The following RBFOX1 variants were observed in gnomAD, a reference collection of about 807,000 sequenced individuals.
RBFOX1 encodes the protein RNA binding fox-1 homolog 1, also known as RNA binding protein fox-1 homolog 1.
In RBFOX1, 8 loss-of-function variants were observed where a neutral mutation model predicts 57.7. The observed-to-expected ratio is 0.14, with a 90% CI of 0.08 to 0.25. The LOEUF is 0.25. Among genes scored for constraint, RBFOX1 ranks in the 10% least tolerant of loss-of-function variants. RBFOX1 has a pLI of 1.00. For missense variants in RBFOX1, 611 were observed against 548.5 expected, an observed-to-expected ratio of 1.11 and a Z score of -1.14; for synonymous variants, 326 against 222.4, an observed-to-expected ratio of 1.47 and a Z score of -4.15.
chr16:7,262,319 T>C lies in RBFOX1; in HGVS notation c.27+210221T>C, dbSNP rs1219060404. On this transcript the variant is annotated intron_variant, in intron 4 of 15. Transcript: ENST00000550418. ...CCTGATTGCCCATTTCTCTATTTTT[T>C]TTTTCATATTAATGGGAAAACCAAT... Among the ~76,000 whole-genome samples the C allele has an allele frequency of 3.3e-5, 5 of 151,954 alleles. 1 individual carries two copies. Among genetic ancestry groups the C allele is most frequent in the Admixed American group, 2.0e-4 (3 of 15,248 alleles).
intron 4 of RBFOX1, among the ~76,000 whole-genome samples, chr16:7,444,472 G>T (rs1598554661): frequency 6.6e-6 from 1 of 152,154 alleles, no homozygotes; most frequent in Non-Finnish European, 1.5e-5. Context: ...GAAAGCAAAG[G>T]CAGCTTTATA....
At chr16:6,643,454 G>C (rs1422273508) in intron 2 of RBFOX1, among the ~76,000 whole-genome samples, 1 of 152,000 alleles carries the variant, frequency 6.6e-6, no homozygotes, top group African/African-American at 2.4e-5. Context: ...TTTTGCGGTT[G>C]GAGGATTAAG....
At chr16:6,599,734 C>T (rs9929156) in intron 2 of RBFOX1, among the ~76,000 whole-genome samples, 25,357 of 152,190 alleles carry the variant, frequency 0.17, 2,426 homozygotes, top group East Asian at 0.4. Context: ...TCCCAGTGCT[C>T]ACCACCTAGT....
chr16:5,349,386 C>G (rs2065211944), intron 1 of RBFOX1, among the ~76,000 whole-genome samples: 1 of 152,162 alleles, frequency 6.6e-6, no homozygotes, highest in Non-Finnish European at 1.5e-5. Context: ...AAAAACTTGT[C>G]AAGATGGCTG....
At chr16:6,757,997 C>T (rs550407732) in intron 3 of RBFOX1, among the ~76,000 whole-genome samples, 1 of 152,234 alleles carries the variant, frequency 6.6e-6, no homozygotes, top group South Asian at 2.1e-4. Context: ...ATGCGGCAGA[C>T]CCTGTCCTCT....
chr16:6,932,527 C>A (rs1263283369), intron 3 of RBFOX1, among the ~76,000 whole-genome samples: 1 of 152,134 alleles, frequency 6.6e-6, no homozygotes, highest in Non-Finnish European at 1.5e-5. Context: ...GGAGGATCTG[C>A]TTCCAAGTGT....
chr16:6,922,673 T>G (rs2153456914), intron 3 of RBFOX1, among the ~76,000 whole-genome samples: 1 of 152,314 alleles, frequency 6.6e-6, no homozygotes, highest in Non-Finnish European at 1.5e-5. Flanking sequence ...TGGAGTAAAC[T>G]TAGGCCATGT....
At chr16:7,208,876 C>A (rs1472937790) in intron 4 of RBFOX1, among the ~76,000 whole-genome samples, 1 of 152,086 alleles carries the variant, frequency 6.6e-6, no homozygotes, top group South Asian at 2.1e-4. Context: ...CCCACCAGTT[C>A]TCCTAAGGAC....
chr16:6,071,965 C>T (rs2095843176), intron 1 of RBFOX1, among the ~76,000 whole-genome samples: 1 of 152,164 alleles, frequency 6.6e-6, no homozygotes, highest in African/African-American at 2.4e-5. Flanking sequence ...ACGACATTTT[C>T]TTCATTCATT....
intron 2 of RBFOX1, among the ~76,000 whole-genome samples, chr16:5,539,786 T>A (rs1310177042): frequency 1.3e-5 from 2 of 152,230 alleles, no homozygotes; most frequent in Non-Finnish European, 2.9e-5. Flanking sequence ...CTTAGATGCC[T>A]ATTTTTTTAA....
chr16:6,701,135 A>ATG (rs111800744), intron 3 of RBFOX1, among the ~76,000 whole-genome samples: 54,388 of 149,114 alleles, frequency 0.36, 10,011 homozygotes, highest in East Asian at 0.59. Flanking sequence ...CTGTGTGTGT[A>ATG]TGTGTGTGTG....
chr16:7,609,198 C>T (rs1267808924), intron 10 of RBFOX1, among the ~76,000 whole-genome samples: 1 of 152,120 alleles, frequency 6.6e-6, no homozygotes, highest in Non-Finnish European at 1.5e-5. Flanking sequence ...ATATTTTCAG[C>T]CTAAAATAGT....
chr16:7,429,346 C>T (rs1056981992), intron 4 of RBFOX1, among the ~76,000 whole-genome samples: 1 of 152,202 alleles, frequency 6.6e-6, no homozygotes, highest in Admixed American at 6.5e-5. Context: ...TTCCCTCACC[C>T]CCTTTTCATT....
chr16:7,712,048 C>G lies in RBFOX1; in HGVS notation c.*1303C>G, dbSNP rs879509845. ...ATGCAAAAAAAGAAAAAAGTACATC[C>G]ACCCTCTTAATCCCAAAAGAACAAA... is the stretch of plus-strand genomic sequence containing the variant. On this transcript the variant is annotated 3_prime_UTR_variant, in exon 16 of 16. Coordinates refer to ENST00000550418, the MANE Select transcript of RBFOX1 (RefSeq NM_018723.4). 1.3e-5 allele frequency: 2 copies of G among 152,536 alleles called. No individual in the cohort carries two copies. The highest frequency in any genetic ancestry group is 2.9e-5 in the Non-Finnish European group (2 of 68,034). The allele number at this position is 152,536 out of a possible 1,614,324, so 9.4% of individuals were successfully genotyped here. A position where few individuals can be genotyped will look rare whatever the true frequency, so the allele number is the denominator to read the frequency against.
chr16:6,954,918 A>C (rs899438564), intron 3 of RBFOX1, among the ~76,000 whole-genome samples: 1 of 152,088 alleles, frequency 6.6e-6, no homozygotes, highest in Non-Finnish European at 1.5e-5. Context: ...TAAACTTATT[A>C]GGCTATTTTA....
At chr16:6,507,229 A>G (rs1009073210) in intron 2 of RBFOX1, among the ~76,000 whole-genome samples, 8 of 152,134 alleles carry the variant, frequency 5.3e-5, no homozygotes, top group African/African-American at 1.4e-4. Context: ...TATACACATG[A>G]TAGACAAAAT....
chr16:7,091,587 C>G (rs1380937242), intron 4 of RBFOX1, among the ~76,000 whole-genome samples: 1 of 152,090 alleles, frequency 6.6e-6, no homozygotes, highest in Non-Finnish European at 1.5e-5. Flanking sequence ...TGAGAGTCCT[C>G]TACCTCCCAG....
At chr16:5,610,399 G>A (rs1045254886) in intron 3 of RBFOX1, 2 of 152,212 alleles carry the variant, frequency 1.3e-5, no homozygotes, top group African/African-American at 2.4e-5. Context: ...TTGATGCCTC[G>A]TGAGGCAAGG....
intron 2 of RBFOX1, among the ~76,000 whole-genome samples, chr16:5,551,519 C>T (rs1420559502): frequency 6.6e-6 from 1 of 152,212 alleles, no homozygotes; most frequent in Admixed American, 6.5e-5. Context: ...TTACAAAGTG[C>T]CTCCGAATCC....
Sources: allele counts gnomAD v4.1 joint callset (sites outside exome capture counted in the v4.1 genomes callset), GRCh38; gene constraint gnomAD v4.1.1; transcripts MANE v1.5; gene names NCBI Gene and HGNC (gene_info 2026-07-23, HGNC 2026-07-21).